Variants in CCDC14 observed in about 807,000 individuals in gnomAD.
CCDC14 encodes the protein coiled-coil domain containing 14.
In CCDC14, 71 loss-of-function variants were observed where a neutral mutation model predicts 81.4. That is an observed-to-expected ratio of 0.87 (90% CI 0.72 to 1.06). The LOEUF is 1.06. Ranked by LOEUF, CCDC14 falls within the 50% of genes least tolerant of loss-of-function variation. The pLI, the probability that CCDC14 is intolerant of heterozygous loss-of-function variation, is 0.00. For missense variants in CCDC14, 1,046 were observed against 1,047.3 expected, an observed-to-expected ratio of 1.00 and a Z score of 0.02; for synonymous variants, 332 against 364.8, an observed-to-expected ratio of 0.91 and a Z score of 1.03.
Position 123,915,462 on chromosome 3 carries a change from C to T in CCDC14, c.2035G>A (p.Val679Ile), listed in dbSNP as rs775120782. The change falls in exon 13 of 13, where the codon GTT becomes ATT. Residue 679 changes from valine to isoleucine, a missense_variant. By Grantham distance (29) the Val-to-Ile change is conservative (BLOSUM62 3). Coordinates refer to ENST00000409697, the MANE Select transcript of CCDC14 (RefSeq NM_001366335.1). ...TIEPDKTYEN[V>I]LSSRGPQNSN... ...TTTTGAGGGCCTCTGGAGGACAGAACATTTTCATAGGTTTTGTCTGGCTCT... is the reference window on the plus strand; with the variant it reads ...TTTTGAGGGCCTCTGGAGGACAGAATATTTTCATAGGTTTTGTCTGGCTCT... 4 of 1,613,962 alleles carry T rather than the reference C, an allele frequency of 2.5e-6. No homozygotes were observed. Among genetic ancestry groups the T allele is most frequent in the East Asian group, 4.5e-5 (2 of 44,874 alleles).
intron 12 of CCDC14, among the ~76,000 whole-genome samples, chr3:123,927,798 GA>G (rs562914685): frequency 8.9e-4 from 129 of 145,234 alleles, no homozygotes; most frequent in African/African-American, 3.0e-3. Flanking sequence ...AAATGTTAAG[GA>G]AAAAAAAAAG....
chr3:123,901,069 T>C (rs543834919), intron 5 of CCDC14, among the ~76,000 whole-genome samples: 10 of 151,814 alleles, frequency 6.6e-5, no homozygotes, highest in South Asian at 6.3e-4. Context: ...CTGTCTCTAC[T>C]AAAAATACAA....
chr3:123,944,762 G>A, intron 9 of CCDC14, 87 bp downstream of exon 9: 2 of 909,956 alleles, frequency 2.2e-6, no homozygotes, highest in South Asian at 6.3e-5. Context: ...TTTTACTTAT[G>A]AAGTCCTAGG....
At position 123,956,653 on chromosome 3, in the gene CCDC14, T is replaced by C. The variant is rs561565055; in HGVS notation, c.86+87A>G. Reference sequence around the variant, plus strand: ...CTTGTGATGGTAGAGGCCTACCTAATTTTCTGGGGTAGACGACATGTCATC... The same window carrying C: ...CTTGTGATGGTAGAGGCCTACCTAACTTTCTGGGGTAGACGACATGTCATC... On this transcript the variant is annotated intron_variant, in intron 2 of 12. Coordinates refer to ENST00000409697, the MANE Select transcript of CCDC14 (RefSeq NM_001366335.1). The C allele has an allele frequency of 1.6e-4, 172 of 1,079,126 alleles. No individual in the cohort carries two copies. In the Middle Eastern group the frequency reaches 2.4e-3, roughly 15 times the overall value. 66.8% of individuals were successfully genotyped at this position (1,079,126 alleles called of 1,614,324 possible). A position where few individuals can be genotyped will look rare whatever the true frequency, so the allele number is the denominator to read the frequency against.
At position 123,961,214 on chromosome 3, in the gene CCDC14, G is replaced by A. The variant is rs1283130123; in HGVS notation, c.-41C>T. 6.4e-6 allele frequency: 10 copies of A among 1,551,482 alleles called. No homozygotes were observed. The highest frequency in any genetic ancestry group is 3.5e-6 in the Non-Finnish European group (4 of 1,147,006). On this transcript the variant is annotated 5_prime_UTR_variant, in exon 1 of 13. Transcript: ENST00000409697. ...AGAAGCCCAGACCGAGGGAAGTGAAGCCTCACGGTAAAAAGAATTAACCGC... is the reference window on the plus strand; with the variant it reads ...AGAAGCCCAGACCGAGGGAAGTGAAACCTCACGGTAAAAAGAATTAACCGC...
chr3:123,905,073 C>T (rs2034278062), intron 5 of CCDC14, among the ~76,000 whole-genome samples: 1 of 152,096 alleles, frequency 6.6e-6, no homozygotes, highest in African/African-American at 2.4e-5. Context: ...ACAGAGGTAA[C>T]ATTACACATT....
downstream of CCDC14, among the ~76,000 whole-genome samples, chr3:123,910,377 C>T (rs1457414906): frequency 6.6e-6 from 1 of 152,014 alleles, no homozygotes; most frequent in African/African-American, 2.4e-5. Context: ...GCTGGATTTA[C>T]ATTTTAAGGG....
chr3:123,959,791 ATT>A (rs774272409), intron 1 of CCDC14, among the ~76,000 whole-genome samples: 2 of 129,016 alleles, frequency 1.6e-5, no homozygotes, highest in Non-Finnish European at 3.0e-5. Flanking sequence ...TTTCATATGC[ATT>A]TTTTACTTAG....
chr3:123,903,493 C>G (rs1339122544), intron 5 of CCDC14, among the ~76,000 whole-genome samples: 1 of 152,080 alleles, frequency 6.6e-6, no homozygotes, highest in Non-Finnish European at 1.5e-5. Flanking sequence ...TTTGGCTCAG[C>G]AGTTCTACTC....
At chr3:123,939,543 C>T (rs1179438138) in intron 9 of CCDC14, among the ~76,000 whole-genome samples, 3 of 147,206 alleles carry the variant, frequency 2.0e-5, no homozygotes, top group Non-Finnish European at 4.5e-5. Context: ...TTATAAATAT[C>T]TTAATATTGT....
chr3:123,933,060 C>T (rs1298027300), intron 10 of CCDC14, among the ~76,000 whole-genome samples: 1 of 152,100 alleles, frequency 6.6e-6, no homozygotes, highest in Admixed American at 6.5e-5. Context: ...GATCGCACCA[C>T]TGCACTCCAG....
chr3:123,947,150 T>G lies in CCDC14; in HGVS notation c.854A>C (p.Asn285Thr). Reference protein sequence around the residue: ...IPTLQQLGLVNGILPQQGIHK... With the variant: ...IPTLQQLGLVTGILPQQGIHK... ...AATTCCTTGTTGTGGCAGAATTCCA[T>G]TAACAAGGCCCAGTTGCTGCAATGT... The change falls in exon 8 of 13, where the codon AAT becomes ACT. Residue 285 changes from asparagine (N) to threonine (T), a missense_variant. Asn to Thr is a moderately conservative substitution (Grantham distance 65, BLOSUM62 0). Transcript: ENST00000409697. 6.2e-7 allele frequency: 1 copy of G among 1,613,974 alleles called. No individual in the cohort carries two copies. Among genetic ancestry groups the G allele is most frequent in the Non-Finnish European group, 8.5e-7 (1 of 1,179,876 alleles).
intron 1 of CCDC14, among the ~76,000 whole-genome samples, chr3:123,959,880 A>C (rs1442013712): frequency 5.9e-5 from 9 of 152,062 alleles, no homozygotes; most frequent in Non-Finnish European, 1.2e-4. Context: ...ATAAATTTTT[A>C]ATGGTTGTAT....
rs1270775651 is a variant in CCDC14 at position 123,913,935 on chromosome 3, T to C, written c.*844A>G. 3.0e-6 allele frequency: 3 copies of C among 985,126 alleles called. No homozygotes were observed. The highest frequency in any genetic ancestry group is 5.2e-4 in the Middle Eastern group (1 of 1,912). 61.0% of individuals were successfully genotyped at this position (985,126 alleles called of 1,614,324 possible). The stretch of plus-strand genomic sequence containing the variant: ...AACCTACTTCATATTATTTATAAAA[T>C]AGAGAATATTCTCAGCTAACATGCT... On this transcript the variant is annotated 3_prime_UTR_variant, in exon 13 of 13. Transcript: ENST00000409697.
chr3:123,909,435 T>C (rs892804985), downstream of CCDC14, among the ~76,000 whole-genome samples: 2 of 152,156 alleles, frequency 1.3e-5, no homozygotes, highest in African/African-American at 4.8e-5. Context: ...TGAATGCCAG[T>C]GTCGATGGGA....
chr3:123,926,029 T>C (rs979601143), intron 12 of CCDC14, among the ~76,000 whole-genome samples: 2 of 152,200 alleles, frequency 1.3e-5, no homozygotes, highest in African/African-American at 4.8e-5. Flanking sequence ...ACTAATTAAT[T>C]TGATCAGACT....
intron 12 of CCDC14, among the ~76,000 whole-genome samples, chr3:123,920,031 CAAACA>C (rs2034950665): frequency 6.6e-6 from 1 of 151,856 alleles, no homozygotes; most frequent in Non-Finnish European, 1.5e-5. Context: ...AAATAATTAA[CAAACA>C]AAACAATAAG....
At chr3:123,934,283 A>AAAAAAAAAAAAAAAG in intron 9 of CCDC14, among the ~76,000 whole-genome samples, 1 of 150,616 alleles carries the variant, frequency 6.6e-6, no homozygotes, top group African/African-American at 2.4e-5. Flanking sequence ...AAAAAAAAAA[A>AAAAAAAAAAAAAAAG]AAAAAAAAAA....
Position 123,946,914 on chromosome 3 carries a change from T to A in CCDC14, c.1090A>T (p.Thr364Ser), listed in dbSNP as rs746087919. 6.2e-7 allele frequency: 1 copy of A among 1,613,992 alleles called. No individual in the cohort carries two copies. Among genetic ancestry groups the A allele is most frequent in the Admixed American group, 1.7e-5 (1 of 60,020 alleles). ...TTCTGTACATCCTTCACTGTTTTTG[T>A]ATCTCGCACATGTATGTTTAAATCC... ...RKDLNIHVRDTKTVKDVQKAK... is the reference protein window; with the variant it reads ...RKDLNIHVRDSKTVKDVQKAK... Residue 364 changes from threonine to serine, a missense_variant, in exon 8 of 13, where the codon ACA becomes TCA. Coordinates refer to ENST00000409697, the MANE Select transcript of CCDC14 (RefSeq NM_001366335.1).
Sources: gnomAD v4.1 joint callset for allele counts (sites outside exome capture counted in the v4.1 genomes callset) on GRCh38, gnomAD v4.1.1 for gene constraint, MANE v1.5 for transcripts, NCBI Gene and HGNC (gene_info 2026-07-23, HGNC 2026-07-21) for gene names.